AGMO: variants seen among roughly 807,000 people sequenced by gnomAD.
AGMO encodes glyceryl-ether monooxygenase.
Under a neutral mutation model 60.2 loss-of-function variants are expected in AGMO, and 75 were observed. That is an observed-to-expected ratio of 1.25 (90% CI 1.03 to 1.51). The LOEUF (loss-of-function observed/expected upper bound fraction) is 1.51. Ranked by LOEUF, AGMO falls within the 40% of genes most tolerant of loss-of-function variation. The pLI is 0.00. For missense variants in AGMO, 763 were observed against 525.5 expected (o/e 1.45, Z -4.42); for synonymous variants, 261 against 177.1 (o/e 1.47, Z -3.76).
intron 3 of AGMO, among the ~76,000 whole-genome samples, chr7:15,485,299 A>T (rs966696739): frequency 9.9e-5 from 15 of 152,070 alleles, no homozygotes; most frequent in Admixed American, 9.2e-4. Flanking sequence ...GCTGTGAGAC[A>T]GGGCAAGATT....
At chr7:15,487,433 A>T (rs1017161081) in intron 3 of AGMO, among the ~76,000 whole-genome samples, 1 of 152,124 alleles carries the variant, frequency 6.6e-6, no homozygotes, top group African/African-American at 2.4e-5. Context: ...ATTGAATAAT[A>T]TACTTAATAT....
At chr7:15,504,772 G>C (rs1275123834) in intron 3 of AGMO, among the ~76,000 whole-genome samples, 1 of 144,002 alleles carries the variant, frequency 6.9e-6, no homozygotes, top group Non-Finnish European at 1.5e-5. Context: ...TCCTTTTCTA[G>C]TTAAAATAAA....
At chr7:15,468,646 T>C (rs751387730) in intron 3 of AGMO, among the ~76,000 whole-genome samples, 35 of 152,254 alleles carry the variant, frequency 2.3e-4, no homozygotes, top group Non-Finnish European at 3.5e-4. Context: ...TATAGAGATA[T>C]GTATTCGCAT....
the AGMO span, among the ~76,000 whole-genome samples, chr7:15,135,180 G>C: frequency 6.6e-6 from 1 of 151,766 alleles, no homozygotes; most frequent in Non-Finnish European, 1.5e-5. Context: ...GTGTGTGTGT[G>C]TGTGTGTGTG....
intron 3 of AGMO, among the ~76,000 whole-genome samples, chr7:15,468,349 A>G (rs1178308475): frequency 6.6e-6 from 1 of 152,090 alleles, no homozygotes; most frequent in Non-Finnish European, 1.5e-5. Context: ...CGATTCAATA[A>G]TTATTATTTA....
intron 12 of AGMO, among the ~76,000 whole-genome samples, chr7:15,309,922 T>C (rs1453826370): frequency 2.0e-5 from 3 of 152,178 alleles, no homozygotes; most frequent in Admixed American, 6.6e-5. Context: ...CCCAATATCA[T>C]CTTTGCAGGT....
Position 15,520,756 on chromosome 7 carries a change from T to C in AGMO, c.409+24016A>G, listed in dbSNP as rs138390563. Reference sequence around the variant, plus strand: ...CCCATAGGAGAAAGTATGAAATATCTAAAATCAACATCTTAACACTACAAT... The same window carrying C: ...CCCATAGGAGAAAGTATGAAATATCCAAAATCAACATCTTAACACTACAAT... On this transcript the variant is annotated intron_variant, in intron 3 of 12. Transcript: ENST00000342526. 2.6e-3 allele frequency among the ~76,000 whole-genome samples: 400 copies of C among 152,222 alleles called. 2 individuals are homozygous for C. The highest frequency in any genetic ancestry group is 9.3e-3 in the African/African-American group (386 of 41,540).
Position 15,297,805 on chromosome 7 carries a change from G to A in AGMO, c.1263+67709C>T, listed in dbSNP as rs536045477. ...ATTATATGCATTTAATGAGTTGACT[G>A]GAAAGTAGGCAAACATGAGTGAATG... On this transcript the variant is annotated intron_variant, in intron 12 of 12. Coordinates refer to ENST00000342526, the MANE Select transcript of AGMO (RefSeq NM_001004320.2). Among the ~76,000 whole-genome samples the A allele has an allele frequency of 1.8e-4, 27 of 152,134 alleles. 1 individual carries two copies. The South Asian group carries it at 5.6e-3, about 32-fold the overall frequency.
chr7:15,407,905 T>C (rs976981923), intron 5 of AGMO, among the ~76,000 whole-genome samples: 6 of 151,850 alleles, frequency 4.0e-5, no homozygotes, highest in African/African-American at 1.2e-4. Context: ...CAGAAACTAA[T>C]GTGTTATCTA....
intron 3 of AGMO, among the ~76,000 whole-genome samples, chr7:15,444,784 C>G (rs1362460177): frequency 7.9e-5 from 12 of 152,154 alleles, no homozygotes. Flanking sequence ...TGATGGCTCC[C>G]AAGTATGTAT....
At chr7:15,482,471 C>G (rs372777446) in intron 3 of AGMO, among the ~76,000 whole-genome samples, 36 of 152,048 alleles carry the variant, frequency 2.4e-4, no homozygotes, top group African/African-American at 8.4e-4. Context: ...AAAATCTCCA[C>G]GGTGACTTTT....
chr7:15,240,259 A>G (rs1008228096), intron 12 of AGMO, among the ~76,000 whole-genome samples: 3 of 152,216 alleles, frequency 2.0e-5, no homozygotes, highest in African/African-American at 4.8e-5. Context: ...GATAAACCAT[A>G]AATATATTTT....
At chr7:15,173,623 A>C in the AGMO span, among the ~76,000 whole-genome samples, 4 of 152,092 alleles carry the variant, frequency 2.6e-5, no homozygotes, top group East Asian at 7.7e-4. Context: ...GGTAAGGATA[A>C]AAACTACTAT....
chr7:15,474,669 AT>A (rs1407240669), intron 3 of AGMO, among the ~76,000 whole-genome samples: 1 of 152,182 alleles, frequency 6.6e-6, no homozygotes, highest in Non-Finnish European at 1.5e-5. Flanking sequence ...ACCAAAAGCA[AT>A]GGCAACAAAA....
intron 3 of AGMO, among the ~76,000 whole-genome samples, chr7:15,538,320 A>G (rs1360968767): frequency 6.6e-6 from 1 of 152,082 alleles, no homozygotes; most frequent in Non-Finnish European, 1.5e-5. Context: ...GGAGCCTAAA[A>G]TTCCTGGGCT....
At chr7:15,310,720 T>C (rs932685160) in intron 12 of AGMO, among the ~76,000 whole-genome samples, 1 of 152,192 alleles carries the variant, frequency 6.6e-6, no homozygotes, top group Non-Finnish European at 1.5e-5. Flanking sequence ...ACAAACTTAA[T>C]GGCTTAAAAA....
At chr7:15,548,500 C>T (rs1039335230) in intron 2 of AGMO, among the ~76,000 whole-genome samples, 5 of 151,642 alleles carry the variant, frequency 3.3e-5, no homozygotes, top group East Asian at 1.9e-4. Context: ...AACCAAGGCT[C>T]GAGAACTACG....
chr7:15,135,979 C>CTTTTTTTTTTTTTTTTTTTTGTTTTTTTT, the AGMO span, among the ~76,000 whole-genome samples: 1 of 106,870 alleles, frequency 9.4e-6, no homozygotes, highest in Non-Finnish European at 1.8e-5. Flanking sequence ...TTTTTCTTTT[C>CTTTTTTTTTTTTTTTTTTTTGTTTTTTTT]TTTTTTTTTT....
chr7:15,449,771 T>C (rs1240847469), intron 3 of AGMO, among the ~76,000 whole-genome samples: 1 of 152,260 alleles, frequency 6.6e-6, no homozygotes, highest in Non-Finnish European at 1.5e-5. Context: ...TTAAAAGTAC[T>C]ACTTATTTTT....
Sources: gnomAD v4.1 joint callset for allele counts (sites outside exome capture counted in the v4.1 genomes callset) on GRCh38, gnomAD v4.1.1 for gene constraint, MANE v1.5 for transcripts, NCBI Gene and HGNC (gene_info 2026-07-23, HGNC 2026-07-21) for gene names.